Variants in ATP13A4 observed in about 807,000 individuals in gnomAD.
ATP13A4 encodes ATPase 13A4, also known as probable cation-transporting ATPase 13A4.
A neutral mutation model predicts 142.5 loss-of-function variants in ATP13A4; 114 were observed. The observed-to-expected ratio is 0.80, with a 90% CI of 0.69 to 0.93. The LOEUF (loss-of-function observed/expected upper bound fraction) is 0.93. Ranked by LOEUF, ATP13A4 falls within the 40% of genes least tolerant of loss-of-function variation. The pLI is 0.00. For missense variants in ATP13A4, 1,392 were observed against 1,454.0 expected (o/e 0.96, Z 0.69); for synonymous variants, 488 against 514.8 (o/e 0.95, Z 0.70).
rs560244774 is a variant in ATP13A4 at position 193,580,591 on chromosome 3, T to C, written n.291+1116A>G. ...AGAATTACTCAAAGCCTAGTATATA[T>C]ATTTTTTTATTGTACAGGCCAAGTT... On this transcript the variant is annotated intron_variant and non_coding_transcript_variant, in intron 2 of 3. Coordinates refer to the ATP13A4 transcript ENST00000489140. 1.1e-3 allele frequency among the ~76,000 whole-genome samples: 170 copies of C among 152,284 alleles called. 1 individual carries two copies. The highest frequency in any genetic ancestry group is 2.1e-3 in the Non-Finnish European group (140 of 68,036).
At chr3:193,441,404 A>T in intron 20 of ATP13A4, 62 bp downstream of exon 20, 1 of 1,592,690 alleles carries the variant, frequency 6.3e-7, no homozygotes, top group Non-Finnish European at 8.6e-7. Context: ...ATTTAGGACC[A>T]TGTTCTGTAA....
rs116124021 is a variant in ATP13A4, at chr3:193,436,015, G to A, written c.2673-271C>T. On this transcript the variant is annotated intron_variant, in intron 23 of 29. Transcript: ENST00000342695. Reference sequence around the variant, plus strand: ...TACAGTTGCTCTTGTCCTTTCAGCAGGCATTGTTTTAGCTCCTGAACTCAG... The same window carrying A: ...TACAGTTGCTCTTGTCCTTTCAGCAAGCATTGTTTTAGCTCCTGAACTCAG... Among the ~76,000 whole-genome samples the A allele has an allele frequency of 6.7e-3, 1,018 of 152,298 alleles. 16 individuals carry two copies. The highest frequency in any genetic ancestry group is 0.023 in the African/African-American group (975 of 41,564).
At chr3:193,485,693 T>C (rs968044722) in intron 7 of ATP13A4, among the ~76,000 whole-genome samples, 1 of 152,146 alleles carries the variant, frequency 6.6e-6, no homozygotes, top group African/African-American at 2.4e-5. Context: ...AAGATGATGA[T>C]ATTAGGAGAA....
chr3:193,464,633 A>C (rs1718155261), intron 12 of ATP13A4, among the ~76,000 whole-genome samples: 1 of 152,180 alleles, frequency 6.6e-6, no homozygotes. Flanking sequence ...AAAGGGTTTA[A>C]ATTTTCGTCT....
chr3:193,418,177 C>T (rs190863306), intron 25 of ATP13A4, among the ~76,000 whole-genome samples: 5,516 of 119,882 alleles, frequency 0.046, 580 homozygotes, highest in African/African-American at 0.18. Flanking sequence ...ATTAGCCAGG[C>T]GAGGTGGCGG....
chr3:193,402,197 C>G lies in ATP13A4; in HGVS notation c.*455G>C, dbSNP rs1285809541. On this transcript the variant is annotated 3_prime_UTR_variant, in exon 30 of 30. Transcript: ENST00000342695. ...AAAAGTACTACAGAGAAAAGGAACC[C>G]AGACAGTAAAGATTGGTGTAATGTT... 1 of 164,604 alleles carries G rather than the reference C, an allele frequency of 6.1e-6. No individual in the cohort carries two copies. The highest frequency in any genetic ancestry group is 1.3e-5 in the Non-Finnish European group (1 of 75,454). 10.2% of individuals were successfully genotyped at this position (164,604 alleles called of 1,614,324 possible).
At position 193,432,103 on chromosome 3, in the gene ATP13A4, A is replaced by G. The variant is rs1315071932; in HGVS notation, c.2842+1742T>C. Among the ~76,000 whole-genome samples the G allele has an allele frequency of 7.4e-5, 9 of 122,124 alleles. No individual in the cohort carries two copies. The South Asian group carries it at 2.8e-3, about 38-fold the overall frequency. The allele number at this position is 122,124 out of a possible 152,430, so 80.1% of individuals were successfully genotyped here. On this transcript the variant is annotated intron_variant, in intron 25 of 29. Coordinates refer to ENST00000342695, the MANE Select transcript of ATP13A4 (RefSeq NM_032279.4). The stretch of plus-strand genomic sequence containing the variant: ...GAATGTATTATATGCCATCATTGGG[A>G]ATGATCTAGTAAACAAGAGAAAGGT...
At chr3:193,406,233 A>G (rs1714483769) in intron 29 of ATP13A4, among the ~76,000 whole-genome samples, 1 of 152,186 alleles carries the variant, frequency 6.6e-6, no homozygotes, top group Non-Finnish European at 1.5e-5. Flanking sequence ...GAGAAGTTCC[A>G]GTACTGAAAT....
chr3:193,462,611 A>G (rs56312820), intron 13 of ATP13A4, 151 bp downstream of exon 13: 4 of 727,234 alleles, frequency 5.5e-6, no homozygotes, highest in Non-Finnish European at 9.3e-6. Context: ...TTGAAGAATT[A>G]AAGATGAGAA....
intron 1 of ATP13A4, among the ~76,000 whole-genome samples, chr3:193,554,103 T>C (rs1003455695): frequency 1.3e-5 from 2 of 152,270 alleles, no homozygotes; most frequent in African/African-American, 4.8e-5. Context: ...GATTTTCCTA[T>C]AGTTCTCAAG....
chr3:193,405,866 A>C (rs1714466853), intron 29 of ATP13A4, among the ~76,000 whole-genome samples: 1 of 152,272 alleles, frequency 6.6e-6, no homozygotes, highest in African/African-American at 2.4e-5. Flanking sequence ...CATACACCAC[A>C]CAGAGAGAAT....
At chr3:193,579,307 T>C in intron 2 of ATP13A4, 1 of 195,272 alleles carries the variant, frequency 5.1e-6, no homozygotes, top group Non-Finnish European at 1.0e-5. Context: ...CAGTGGTTCT[T>C]TCTTGATGCC....
chr3:193,552,808 T>C (rs1161915376), intron 1 of ATP13A4, among the ~76,000 whole-genome samples: 1 of 152,224 alleles, frequency 6.6e-6, no homozygotes, highest in Non-Finnish European at 1.5e-5. Flanking sequence ...CCTGTGTGCA[T>C]CAATTTCCTC....
Position 193,433,916 on chromosome 3 carries a change from T to C in ATP13A4, c.2771A>G (p.Glu924Gly). 4 of 1,612,944 alleles carry C rather than the reference T, an allele frequency of 2.5e-6. No homozygotes were observed. The highest frequency in any genetic ancestry group is 3.4e-6 in the Non-Finnish European group (4 of 1,178,898). Residue 924 changes from glutamate to glycine, a missense_variant and splice_region_variant, in exon 25 of 30, where the codon GAG becomes GGG. Glu to Gly is a moderately conservative substitution (Grantham distance 98). Transcript: ENST00000342695. ...CTGGTAATTTGAAAGGCTGTTTGTC[T>C]CCTGAAAATAAAAAGAAAGCAGATC... is the stretch of plus-strand genomic sequence containing the variant. ...QYVGVLLLYW[E>G]TNSLSNYQFL...
chr3:193,589,037 G>C (rs1045182164), intron 1 of ATP13A4, among the ~76,000 whole-genome samples: 5 of 152,124 alleles, frequency 3.3e-5, no homozygotes, highest in Non-Finnish European at 7.3e-5. Context: ...CTACTCAGGA[G>C]ACTGAGGCAG....
intron 7 of ATP13A4, among the ~76,000 whole-genome samples, chr3:193,487,537 A>G (rs929534286): frequency 7.9e-5 from 12 of 152,140 alleles, no homozygotes; most frequent in African/African-American, 1.7e-4. Flanking sequence ...GCTGGTTTGA[A>G]CTGCTGGGTC....
intron 2 of ATP13A4, among the ~76,000 whole-genome samples, chr3:193,565,154 C>T (rs1724107728): frequency 6.6e-6 from 1 of 152,162 alleles, no homozygotes; most frequent in Non-Finnish European, 1.5e-5. Context: ...GAAACCACCG[C>T]CCCCGACTCC....
At chr3:193,446,186 CAAAT>C (rs929443470) in intron 18 of ATP13A4, among the ~76,000 whole-genome samples, 3 of 151,688 alleles carry the variant, frequency 2.0e-5, no homozygotes, top group African/African-American at 7.3e-5. Flanking sequence ...AATAAACAAA[CAAAT>C]AAATAAGACA....
chr3:193,438,977 G>C, intron 22 of ATP13A4, 46 bp downstream of exon 22: 1 of 1,552,638 alleles, frequency 6.4e-7, no homozygotes. Context: ...GGGCTTAAGT[G>C]TAATCGAATG....
Sources: gnomAD v4.1 joint callset for allele counts (sites outside exome capture counted in the v4.1 genomes callset) on GRCh38, gnomAD v4.1.1 for gene constraint, MANE v1.5 for transcripts, NCBI Gene and HGNC (gene_info 2026-07-23, HGNC 2026-07-21) for gene names.